SRRM2: variants seen among roughly 807,000 people sequenced by gnomAD.
SRRM2 encodes the protein serine/arginine repetitive matrix 2.
Under a neutral mutation model 213.8 loss-of-function variants are expected in SRRM2, and 30 were observed. The observed-to-expected ratio is 0.14, with a 90% confidence interval of 0.10 to 0.19. SRRM2 has a LOEUF of 0.19. Among genes scored for constraint, SRRM2 ranks in the 10% least tolerant of loss-of-function variants. The pLI is 1.00. For missense variants in SRRM2, 4,904 were observed against 3,647.0 expected (o/e 1.34, Z -8.88); for synonymous variants, 2,025 against 1,377.7 (o/e 1.47, Z -10.40).
chr16:2,762,811 T>G lies in SRRM2; in HGVS notation c.2283T>G (p.Ser761=), dbSNP rs754122553. ...GCATTTCTTCAAGGCGGAGCAGGTCTCTCTCTTCACCACGGTCCAAAGCAA... is the reference window on the plus strand; with the variant it reads ...GCATTTCTTCAAGGCGGAGCAGGTCGCTCTCTTCACCACGGTCCAAAGCAA... ...KSRISSRRSR[S]LSSPRSKAKS... The change falls in exon 11 of 15, where the codon TCT becomes TCG. Residue 761 remains serine (S), a synonymous_variant. Transcript: ENST00000301740. 7 of 1,614,076 alleles carry G rather than the reference T, an allele frequency of 4.3e-6. No homozygotes were observed. The East Asian group carries it at 8.9e-5, about 21-fold the overall frequency.
rs114848780 is a variant in SRRM2, at chr16:2,765,783, G to A, written c.5255G>A (p.Arg1752His). 43 of 1,613,976 alleles carry A rather than the reference G, an allele frequency of 2.7e-5. No homozygotes were observed. Among genetic ancestry groups the A allele is most frequent in the African/African-American group, 6.7e-5 (5 of 74,984 alleles). The change falls in exon 11 of 15, where the codon CGC (arginine) becomes CAC (histidine). Residue 1752 changes from arginine (R) to histidine (H), a missense_variant. Transcript: ENST00000301740. ...CGACGGCGCTCAGCTTCATCTCCAC[G>A]CACTAAGACAACCTCAAGGAGAGGC... ...SRRRRSASSPRTKTTSRRGRS... is the reference protein window; with the variant it reads ...SRRRRSASSPHTKTTSRRGRS...
rs377397683 is a variant in SRRM2, at chr16:2,765,155, C to G, written c.4627C>G (p.Gln1543Glu). 9 of 1,614,056 alleles carry G rather than the reference C, an allele frequency of 5.6e-6. No homozygotes were observed. Among genetic ancestry groups the G allele is most frequent in the Admixed American group, 3.3e-5 (2 of 60,006 alleles). ...GCAGAGAAGTCGTTCGGGATCCTCT[C>G]AAGAACTTGATGTGAAACCCAGTGC... ...LGQRSRSGSS[Q>E]ELDVKPSASP... Residue 1543 changes from glutamine to glutamate, a missense_variant, in exon 11 of 15, where the codon CAA (glutamine) becomes GAA (glutamate). By Grantham distance (29) the Gln-to-Glu change is conservative. Transcript: ENST00000301740.
Position 2,767,225 on chromosome 16 carries a change from C to T in SRRM2, c.6697C>T (p.Pro2233Ser), listed in dbSNP as rs755094330. Residue 2233 changes from proline to serine, a missense_variant, in exon 11 of 15, where the codon CCT (proline) becomes TCT (serine). Pro to Ser is a moderately conservative substitution (Grantham distance 74). Coordinates refer to ENST00000301740, the MANE Select transcript of SRRM2 (RefSeq NM_016333.4). Reference protein sequence around the residue: ...APAANLASRIPAASAAAMNLA... With the variant: ...APAANLASRISAASAAAMNLA... ...AGCAGCCAACCTTGCCAGCAGGATT[C>T]CTGCAGCCTCTGCGGCAGCCATGAA... 1.2e-6 allele frequency: 2 copies of T among 1,614,194 alleles called. No homozygotes were observed. The highest frequency in any genetic ancestry group is 1.7e-6 in the Non-Finnish European group (2 of 1,180,046).
At chr16:2,757,606 C>G in intron 3 of SRRM2, 27 bp downstream of exon 3, 1 of 1,601,100 alleles carries the variant, frequency 6.2e-7, no homozygotes, top group Non-Finnish European at 8.5e-7. Context: ...CCCTCGATGA[C>G]TCTGGACTCT....
Position 2,767,325 on chromosome 16 carries a change from C to T in SRRM2, c.6797C>T (p.Ala2266Val), listed in dbSNP as rs144301326. The T allele has an allele frequency of 6.1e-5, 99 of 1,613,870 alleles. No homozygotes were observed. The highest frequency in any genetic ancestry group is 1.1e-4 in the East Asian group (5 of 44,886). Reference sequence around the variant, plus strand: ...GACTCTCGAACGCCAGCTGCAGCAGCGGCCATGAACTTGGCCAGCCCCAGA... The same window carrying T: ...GACTCTCGAACGCCAGCTGCAGCAGTGGCCATGAACTTGGCCAGCCCCAGA... ...LADSRTPAAA[A>V]AMNLASPRTA... Residue 2266 changes from alanine to valine, a missense_variant, in exon 11 of 15, where the codon GCG becomes GTG. Coordinates refer to ENST00000301740, the MANE Select transcript of SRRM2 (RefSeq NM_016333.4).
At chr16:2,755,985 A>G (rs527526892) in intron 1 of SRRM2, among the ~76,000 whole-genome samples, 11 of 152,312 alleles carry the variant, frequency 7.2e-5, no homozygotes, top group Admixed American at 7.2e-4. Context: ...CCAAAGGAGA[A>G]CAAAAAGGGA....
At chr16:2,752,890 G>T in intron 1 of SRRM2, 44 bp downstream of exon 1, 1 of 193,912 alleles carries the variant, frequency 5.2e-6, no homozygotes, top group South Asian at 5.8e-5. Context: ...GGGAGGGGCG[G>T]CGGCCCCGGC....
Position 2,763,425 on chromosome 16 carries a change from G to C in SRRM2, c.2897G>C (p.Arg966Thr), listed in dbSNP as rs1008480886. 7 of 1,614,066 alleles carry C rather than the reference G, an allele frequency of 4.3e-6. No individual in the cohort carries two copies. The highest frequency in any genetic ancestry group is 3.3e-5 in the Admixed American group (2 of 59,994). Residue 966 changes from arginine (R) to threonine (T), a missense_variant, in exon 11 of 15, where the codon AGA becomes ACA. Transcript: ENST00000301740. ...CSNVESRLLP[R>T]YSHSGSSSPD... ...AATGTGGAATCCAGATTGTTGCCAA[G>C]ATACAGTCATTCTGGGTCCTCCTCA...
In SRRM2 at chr16:2,764,685, T is replaced by C; in HGVS notation, c.4157T>C (p.Leu1386Ser). The change falls in exon 11 of 15, where the codon TTA becomes TCA. Residue 1386 changes from leucine (L) to serine (S), a missense_variant. By Grantham distance (145) the Leu-to-Ser change is moderately radical. Transcript: ENST00000301740. ...TRSSGHSSSE[L>S]SPDAVEKAGM... ...TCCTCTGGACACAGCAGTTCTGAGTTATCCCCAGATGCAGTGGAAAAGGCA... is the reference window on the plus strand; with the variant it reads ...TCCTCTGGACACAGCAGTTCTGAGTCATCCCCAGATGCAGTGGAAAAGGCA... 3 of 1,614,132 alleles carry C rather than the reference T, an allele frequency of 1.9e-6. No homozygotes were observed. Among genetic ancestry groups the C allele is most frequent in the Non-Finnish European group, 2.5e-6 (3 of 1,180,038 alleles).
chr16:2,768,327 G>A (rs1017806121), intron 11 of SRRM2, 66 bp downstream of exon 11: 3 of 1,485,784 alleles, frequency 2.0e-6, no homozygotes, highest in African/African-American at 1.4e-5. Context: ...GGGGAGTGGG[G>A]AGGGAGAAAC....
At chr16:2,758,626 C>T in intron 5 of SRRM2, 79 bp downstream of exon 5, 1 of 1,384,162 alleles carries the variant, frequency 7.2e-7, no homozygotes, top group Non-Finnish European at 1.0e-6. Context: ...GTGGACAGTT[C>T]TGGCTTCCAC....
At position 2,770,609 on chromosome 16, in the gene SRRM2, G is replaced by C. The variant is rs1033957423; in HGVS notation, c.8141G>C (p.Ser2714Thr). ...QPSPRDQQSS[S>T]SERGSRRGQR... Reference sequence around the variant, plus strand: ...ATGTCTGTCCTGTGTTGCAGCAGCAGCAGTGAGCGGGGTTCCCGGAGAGGC... The same window carrying C: ...ATGTCTGTCCTGTGTTGCAGCAGCACCAGTGAGCGGGGTTCCCGGAGAGGC... The change falls in exon 14 of 15, where the codon AGC (serine) becomes ACC (threonine). Residue 2714 changes from serine to threonine, a missense_variant. Physicochemically the swap from Ser to Thr is moderately conservative, Grantham distance 58. Coordinates refer to ENST00000301740, the MANE Select transcript of SRRM2 (RefSeq NM_016333.4). 4 of 1,552,948 alleles carry C rather than the reference G, an allele frequency of 2.6e-6. No homozygotes were observed. The Admixed American group carries it at 7.8e-5, about 30-fold the overall frequency.
chr16:2,759,285 A>C, intron 7 of SRRM2, 67 bp from the exon 8 acceptor site: 1 of 1,607,070 alleles, frequency 6.2e-7, no homozygotes, highest in South Asian at 1.1e-5. Context: ...CCCTCTTTCC[A>C]TTTCACTTTT....
chr16:2,755,468 G>A (rs938714443), intron 1 of SRRM2, among the ~76,000 whole-genome samples: 1 of 152,168 alleles, frequency 6.6e-6, no homozygotes, highest in Non-Finnish European at 1.5e-5. Context: ...AACAGAGGAG[G>A]CTGGTTTGAT....
In SRRM2 at chr16:2,770,722, G is replaced by A. The variant is rs763138230; in HGVS notation, c.8249+5G>A. 1.6e-5 allele frequency: 25 copies of A among 1,570,838 alleles called. No homozygotes were observed. The highest frequency in any genetic ancestry group is 8.1e-5 in the South Asian group (7 of 86,462). On this transcript the variant is annotated splice_donor_5th_base_variant and intron_variant, in intron 14 of 14. Transcript: ENST00000301740. ...CATGAGACACCGCTCCTCCAGGTGC[G>A]TGTCCTGGAAGGCTGATGCCCCCTT...
In SRRM2 at chr16:2,757,831, G is replaced by A. The variant is rs1434983980; in HGVS notation, c.401G>A (p.Arg134Lys). 6.2e-7 allele frequency: 1 copy of A among 1,614,060 alleles called. No homozygotes were observed. Among genetic ancestry groups the A allele is most frequent in the Non-Finnish European group, 8.5e-7 (1 of 1,179,958 alleles). The change falls in exon 4 of 15, where the codon AGA becomes AAA. Residue 134 changes from arginine (R) to lysine (K), a missense_variant. Transcript: ENST00000301740. ...LAELNEKKNERLRAAFGISDS... is the reference protein window; with the variant it reads ...LAELNEKKNEKLRAAFGISDS... Reference sequence around the variant, plus strand: ...GAATTAAATGAGAAGAAGAATGAAAGACTCCGTGCTGCCTTTGGCATCAGT... The same window carrying A: ...GAATTAAATGAGAAGAAGAATGAAAAACTCCGTGCTGCCTTTGGCATCAGT...
chr16:2,770,251 T>TG, intron 12 of SRRM2, 101 bp from the exon 13 acceptor site: 1 of 1,467,858 alleles, frequency 6.8e-7, no homozygotes, highest in South Asian at 1.4e-5. Context: ...TGGCCCTGTG[T>TG]GGTGTGAGGT....
Position 2,761,944 on chromosome 16 carries a change from A to G in SRRM2, c.1416A>G (p.Ser472=), listed in dbSNP as rs750601962. 62 of 1,613,778 alleles carry G rather than the reference A, an allele frequency of 3.8e-5. No individual in the cohort carries two copies. The highest frequency in any genetic ancestry group is 5.1e-5 in the Non-Finnish European group (60 of 1,180,012). The change falls in exon 11 of 15, where the codon TCA becomes TCG. Residue 472 remains serine (S), a synonymous_variant. Transcript: ENST00000301740. ...ATGGCCGAGCAAAACGGGATAAATC[A>G]CATTCTCATACCCCCTCCCGTAGGA... The part of the protein sequence containing the change: ...RSHGRAKRDK[S]HSHTPSRRMG...
In SRRM2 at chr16:2,757,839, G is replaced by A; in HGVS notation, c.409G>A (p.Ala137Thr). 1.9e-6 allele frequency: 3 copies of A among 1,613,988 alleles called. No individual in the cohort carries two copies. The highest frequency in any genetic ancestry group is 2.5e-6 in the Non-Finnish European group (3 of 1,179,912). ...TGAGAAGAAGAATGAAAGACTCCGT[G>A]CTGCCTTTGGCATCAGTGATTCTTA... ...LNEKKNERLR[A>T]AFGISDSYVD... The change falls in exon 4 of 15, where the codon GCT becomes ACT. Residue 137 changes from alanine (A) to threonine (T), a missense_variant. Physicochemically the swap from Ala to Thr is moderately conservative, Grantham distance 58. Coordinates refer to ENST00000301740, the MANE Select transcript of SRRM2 (RefSeq NM_016333.4).
Sources: allele counts gnomAD v4.1 joint callset (sites outside exome capture counted in the v4.1 genomes callset), GRCh38; gene constraint gnomAD v4.1.1; transcripts MANE v1.5; gene names NCBI Gene and HGNC (gene_info 2026-07-23, HGNC 2026-07-21).